Variants in RGS20 observed in about 807,000 individuals in gnomAD.
RGS20 encodes the protein gz-selective GTPase-activating protein.
Under a neutral mutation model 33.6 loss-of-function variants are expected in RGS20, and 30 were observed. That is an observed-to-expected ratio of 0.89 (90% CI 0.67 to 1.21). RGS20 has a LOEUF of 1.21. RGS20 is among the 50% of genes most tolerant of loss of function. The probability of loss-of-function intolerance (pLI) is 0.00; values close to 1 mark genes in which losing one functional copy is unlikely to be tolerated. For missense variants in RGS20, 472 were observed against 502.4 expected (o/e 0.94, Z 0.58); for synonymous variants, 208 against 197.9 (o/e 1.05, Z -0.43).
At chr8:53,868,962 A>G (rs1811990301) in intron 1 of RGS20, among the ~76,000 whole-genome samples, 1 of 152,164 alleles carries the variant, frequency 6.6e-6, no homozygotes. Flanking sequence ...CATGTTGGCC[A>G]GGCTGGTCTT....
chr8:53,877,295 C>A lies in RGS20; in HGVS notation c.166-1963C>A, dbSNP rs1399777174. Among the ~76,000 whole-genome samples, 1 of 152,158 alleles carries A rather than the reference C, an allele frequency of 6.6e-6. No homozygotes were observed. Among genetic ancestry groups the A allele is most frequent in the Admixed American group, 6.5e-5 (1 of 15,278 alleles). Reference sequence around the variant, plus strand: ...TAGCGTGGGGTCCCGCCGGCCCTGCCGCCCGTGGCCGCCGAAGTTCCCGCC... The same window carrying A: ...TAGCGTGGGGTCCCGCCGGCCCTGCAGCCCGTGGCCGCCGAAGTTCCCGCC... On this transcript the variant is annotated intron_variant, in intron 1 of 5. Transcript: ENST00000297313. This position sits in a 1 kb window ranked among gnomAD's most constrained non-coding sequence, Gnocchi z 5.7.
intron 2 of RGS20, among the ~76,000 whole-genome samples, chr8:53,880,438 C>T (rs1812329729): frequency 6.6e-6 from 1 of 151,858 alleles, no homozygotes; most frequent in South Asian, 2.1e-4. Context: ...AGAGAGGCGC[C>T]CCGGGCCGGG....
chr8:53,936,788 A>G (rs1814147674), intron 2 of RGS20, among the ~76,000 whole-genome samples: 1 of 152,198 alleles, frequency 6.6e-6, no homozygotes, highest in South Asian at 2.1e-4. Flanking sequence ...TATAGCCAAG[A>G]CAATCCCAAG....
intron 1 of RGS20, among the ~76,000 whole-genome samples, chr8:53,858,815 T>G (rs950519618): frequency 5.9e-5 from 9 of 151,754 alleles, no homozygotes; most frequent in Admixed American, 5.9e-4. Context: ...TGGCCCCATT[T>G]TTTTTAACCT....
At position 53,912,148 on chromosome 8, in the gene RGS20, G is replaced by A. The variant is rs547886517; in HGVS notation, c.511-27428G>A. 5.3e-5 allele frequency among the ~76,000 whole-genome samples: 8 copies of A among 152,246 alleles called. No homozygotes were observed. In the South Asian group the frequency reaches 6.2e-4, roughly 12 times the overall value. ...AGCAAACATTTATTGAGTGCTATGT[G>A]TTGCAAGCACATTTGAAGTGCTTCA... On this transcript the variant is annotated intron_variant, in intron 2 of 5. Coordinates refer to ENST00000297313, the MANE Select transcript of RGS20 (RefSeq NM_170587.4).
At chr8:53,941,617 TA>T (rs1330008972) in intron 3 of RGS20, among the ~76,000 whole-genome samples, 3 of 152,172 alleles carry the variant, frequency 2.0e-5, no homozygotes, top group Non-Finnish European at 4.4e-5. Context: ...TAGAAAAAAT[TA>T]TTAAAAGAAA....
rs201803452 is a variant in RGS20, at chr8:53,852,934, GA to G, written c.165+880del. Among the ~76,000 whole-genome samples the G allele has an allele frequency of 2.9e-3, 423 of 147,444 alleles. 1 individual carries two copies. The highest frequency in any genetic ancestry group is 0.011 in the East Asian group (57 of 5,084). ...TTAACCATTTGGCACAAGTGGAGGG[GA>G]AAAAAAAAATAAAAAGGGTCAACAC... On this transcript the variant is annotated intron_variant, in intron 1 of 5. Coordinates refer to ENST00000297313, the MANE Select transcript of RGS20 (RefSeq NM_170587.4).
In RGS20 at chr8:53,921,024, T is replaced by C. The variant is rs926149290; in HGVS notation, c.511-18552T>C. On this transcript the variant is annotated intron_variant, in intron 2 of 5. Coordinates refer to ENST00000297313, the MANE Select transcript of RGS20 (RefSeq NM_170587.4). ...ATCCACCCACCTCGGCCTCCCAAAG[T>C]GCTGGGATAACAGGTGTGAGCCACT... 2.6e-5 allele frequency among the ~76,000 whole-genome samples: 4 copies of C among 152,372 alleles called. No individual in the cohort carries two copies. The South Asian group carries it at 6.2e-4, about 24-fold the overall frequency.
chr8:53,900,508 T>C (rs1585901570), intron 2 of RGS20, among the ~76,000 whole-genome samples: 2 of 152,302 alleles, frequency 1.3e-5, no homozygotes, highest in South Asian at 4.1e-4. Flanking sequence ...ACATTAAATA[T>C]CAATGTTTAT....
chr8:53,939,671 TC>T lies in RGS20; in HGVS notation c.607del (p.Arg203AlafsTer31). ...CCCCAGGCCAGCCCGGAGCGGGGAGTCGCGGGTCCAACGCATGCTGCTTCTG... is the reference window on the plus strand; with the variant it reads ...CCCCAGGCCAGCCCGGAGCGGGGAGTGCGGGTCCAACGCATGCTGCTTCTG... On this transcript the variant is annotated frameshift_variant, in exon 3 of 6. Transcript: ENST00000297313. LOFTEE classifies it high-confidence loss of function. 6.4e-7 allele frequency: 1 copy of T among 1,572,362 alleles called. No homozygotes were observed. The highest frequency in any genetic ancestry group is 1.2e-5 in the South Asian group (1 of 85,590).
At chr8:53,926,504 G>C (rs980929712) in intron 2 of RGS20, among the ~76,000 whole-genome samples, 1 of 152,082 alleles carries the variant, frequency 6.6e-6, no homozygotes, top group Non-Finnish European at 1.5e-5. Flanking sequence ...GTGTTTCATC[G>C]TATTCTCAAT....
At chr8:53,937,580 A>G (rs1390053841) in intron 2 of RGS20, among the ~76,000 whole-genome samples, 1 of 152,190 alleles carries the variant, frequency 6.6e-6, no homozygotes, top group Admixed American at 6.5e-5. Context: ...AGAAACTATC[A>G]TCAGAGTGAA....
chr8:53,929,065 T>G (rs6992137), intron 2 of RGS20, among the ~76,000 whole-genome samples: 1 of 152,042 alleles, frequency 6.6e-6, no homozygotes. Flanking sequence ...GTTGTATGGT[T>G]CCCTTTATAT....
chr8:53,860,959 C>A (rs899435004), intron 1 of RGS20, among the ~76,000 whole-genome samples: 2 of 151,472 alleles, frequency 1.3e-5, no homozygotes, highest in African/African-American at 4.9e-5. Flanking sequence ...AGAGTGAGAC[C>A]CTGTCTCCAA....
At chr8:53,941,261 G>A (rs549534714) in intron 3 of RGS20, among the ~76,000 whole-genome samples, 116 of 152,314 alleles carry the variant, frequency 7.6e-4, no homozygotes, top group African/African-American at 2.7e-3. Context: ...ACTTAGGTGT[G>A]TGTAGAAGAG....
At chr8:53,881,998 C>G (rs1812398612) in intron 2 of RGS20, among the ~76,000 whole-genome samples, 1 of 151,932 alleles carries the variant, frequency 6.6e-6, no homozygotes, top group African/African-American at 2.4e-5. Flanking sequence ...CGGCTGTCCT[C>G]CAGCGCTGGG....
intron 1 of RGS20, among the ~76,000 whole-genome samples, chr8:53,855,297 A>C (rs1219059963): frequency 6.6e-6 from 1 of 152,166 alleles, no homozygotes; most frequent in Non-Finnish European, 1.5e-5. Context: ...ACTCCTGACC[A>C]CAAGTGATCC....
At chr8:53,883,622 C>A (rs905022879) in intron 2 of RGS20, among the ~76,000 whole-genome samples, 1 of 152,082 alleles carries the variant, frequency 6.6e-6, no homozygotes, top group South Asian at 2.1e-4. Flanking sequence ...GTTTCATCAT[C>A]TGTGAAATGG....
intron 2 of RGS20, among the ~76,000 whole-genome samples, chr8:53,899,533 C>T (rs1812954454): frequency 6.6e-6 from 1 of 152,158 alleles, no homozygotes; most frequent in Non-Finnish European, 1.5e-5. Flanking sequence ...TTCATCACTC[C>T]AAGAAGAGAC....
Sources: gnomAD v4.1 joint callset for allele counts (sites outside exome capture counted in the v4.1 genomes callset) on GRCh38, gnomAD v4.1.1 for gene constraint, Gnocchi (gnomAD v3.1) non-coding constraint, MANE v1.5 for transcripts, NCBI Gene and HGNC (gene_info 2026-07-23, HGNC 2026-07-21) for gene names.